Variants in CSF2RA observed in about 807,000 individuals in gnomAD.
The protein encoded by CSF2RA is granulocyte-macrophage colony-stimulating factor receptor subunit alpha.
A neutral mutation model predicts 51.6 loss-of-function variants in CSF2RA; 42 were observed. The ratio of observed to expected loss-of-function variants is 0.81; its 90% CI spans 0.64 to 1.05. CSF2RA has a LOEUF of 1.05. CSF2RA is among the 50% of genes least tolerant of loss of function. CSF2RA has a pLI of 0.00. For missense variants in CSF2RA, 530 were observed against 501.1 expected (o/e 1.06, Z -0.55); for synonymous variants, 222 against 193.0 (o/e 1.15, Z -1.24).
downstream of CSF2RA, among the ~76,000 whole-genome samples, chrX:1,314,397 A>C (rs1282763191): frequency 6.8e-6 from 1 of 147,204 alleles, no homozygotes; most frequent in Non-Finnish European, 1.5e-5. Flanking sequence ...GCCCAACCAC[A>C]CTGCACCTGC....
intron 2 of CSF2RA, among the ~76,000 whole-genome samples, chrX:1,281,112 TCTCCTC>T (rs771038360): frequency 8.0e-5 from 2 of 25,048 alleles, no homozygotes; most frequent in Non-Finnish European, 7.0e-5. Context: ...TCCTCCTCCT[TCTCCTC>T]CTCCTCCTCC....
chrX:1,306,126 G>C (rs374223749), intron 12 of CSF2RA, among the ~76,000 whole-genome samples: 1 of 151,872 alleles, frequency 6.6e-6, no homozygotes, highest in Non-Finnish European at 1.5e-5. Flanking sequence ...ATAGAGACAA[G>C]AGACAGAGGC....
downstream of CSF2RA, among the ~76,000 whole-genome samples, chrX:1,314,900 G>GCCCAACCCCA (rs2084478750): frequency 1.7e-4 from 9 of 53,622 alleles, 1 homozygote; most frequent in Admixed American, 1.5e-3. Context: ...CACTGAACCT[G>GCCCAACCCCA]CTCAACCCCA....
At chrX:1,283,135 C>G (rs562594138) in intron 3 of CSF2RA, among the ~76,000 whole-genome samples, 40 of 70,920 alleles carry the variant, frequency 5.6e-4, no homozygotes, top group South Asian at 2.7e-3. Context: ...TCCTTCCTTC[C>G]TTCCTTCCTT....
chrX:1,314,046 A>G (rs2084300899), downstream of CSF2RA, among the ~76,000 whole-genome samples: 1 of 152,032 alleles, frequency 6.6e-6, no homozygotes, highest in African/African-American at 2.4e-5. Context: ...AATAAAAAAT[A>G]AAAAACAGCC....
intron 3 of CSF2RA, among the ~76,000 whole-genome samples, chrX:1,283,918 A>G (rs1217777571): frequency 1.3e-5 from 2 of 151,968 alleles, no homozygotes; most frequent in African/African-American, 2.4e-5. Context: ...GCGTGGAATG[A>G]TAGCTCATTG....
At chrX:1,320,975 G>A in the CSF2RA span, among the ~76,000 whole-genome samples, 1 of 151,944 alleles carries the variant, frequency 6.6e-6, no homozygotes, top group Non-Finnish European at 1.5e-5. Flanking sequence ...AAGGAGCTGG[G>A]ATTACAGGCA....
chrX:1,280,488 A>AG (rs373692147), intron 2 of CSF2RA, among the ~76,000 whole-genome samples: 30,912 of 119,602 alleles, frequency 0.26, 4,273 homozygotes, highest in East Asian at 0.47. Flanking sequence ...AAAAAAAAAA[A>AG]AAGAAGAAGA....
Position 1,293,046 on chromosome X carries a change from C to T in CSF2RA, c.647-1282C>T, listed in dbSNP as rs1207523550. On this transcript the variant is annotated intron_variant, in intron 7 of 12. Transcript: ENST00000381529. ...TTTTACCAAGCATGCTGCCTGCAAA[C>T]CTATTGTTAACAAGACACAGCACAT... Among the ~76,000 whole-genome samples, 8 of 152,248 alleles carry T rather than the reference C, an allele frequency of 5.3e-5. 1 individual carries two copies. In the South Asian group the frequency reaches 8.3e-4, roughly 16 times the overall value.
chrX:1,306,632 G>A (rs184528445), intron 12 of CSF2RA, among the ~76,000 whole-genome samples: 2,558 of 151,938 alleles, frequency 0.017, 69 homozygotes, highest in African/African-American at 0.058. Flanking sequence ...GGGCAACAGA[G>A]CAAAACTCTC....
At chrX:1,293,562 G>A (rs1293079265) in intron 7 of CSF2RA, among the ~76,000 whole-genome samples, 1 of 152,204 alleles carries the variant, frequency 6.6e-6, no homozygotes, top group African/African-American at 2.4e-5. Flanking sequence ...AGACAAAGAG[G>A]TGTCCCTACT....
Position 1,285,929 on chromosome X carries a change from A to T in CSF2RA, c.219+9A>T. On this transcript the variant is annotated intron_variant, in intron 4 of 12. Transcript: ENST00000381529. Reference sequence around the variant, plus strand: ...GAGTCGTGGAACCCAGGGTGAGACGAATTTCCCATTCTCAACCCCTGTCCT... The same window carrying T: ...GAGTCGTGGAACCCAGGGTGAGACGTATTTCCCATTCTCAACCCCTGTCCT... The T allele has an allele frequency of 6.2e-7, 1 of 1,613,818 alleles. No homozygotes were observed. Among genetic ancestry groups the T allele is most frequent in the Non-Finnish European group, 8.5e-7 (1 of 1,179,822 alleles).
the CSF2RA span, among the ~76,000 whole-genome samples, chrX:1,324,680 T>C: frequency 6.6e-6 from 1 of 152,216 alleles, no homozygotes; most frequent in East Asian, 1.9e-4. Context: ...GAGGTTGCTT[T>C]TGCCCAGCAG....
chrX:1,296,138 C>G (rs1190982663), intron 9 of CSF2RA, among the ~76,000 whole-genome samples: 1 of 151,132 alleles, frequency 6.6e-6, no homozygotes, highest in African/African-American at 2.4e-5. Context: ...GTCCCCTACC[C>G]ATGACCCCTG....
At chrX:1,313,565 A>C (rs1330915060), downstream of CSF2RA, among the ~76,000 whole-genome samples, 1 of 142,806 alleles carries the variant, frequency 7.0e-6, no homozygotes, top group Non-Finnish European at 1.5e-5. Flanking sequence ...CAAAAAAAAA[A>C]GCCAGGTGTG....
At chrX:1,291,318 C>G (rs2091377398) in intron 7 of CSF2RA, among the ~76,000 whole-genome samples, 1 of 147,640 alleles carries the variant, frequency 6.8e-6, no homozygotes, top group Non-Finnish European at 1.5e-5. Context: ...TCCCTCCTTT[C>G]CTTCCTTCCT....
chrX:1,279,908 A>G (rs1316497592), intron 2 of CSF2RA, among the ~76,000 whole-genome samples: 1 of 151,294 alleles, frequency 6.6e-6, no homozygotes, highest in African/African-American at 2.4e-5. Flanking sequence ...TCCTGCCTCA[A>G]CCTCCCGAGT....
intron 2 of CSF2RA, among the ~76,000 whole-genome samples, chrX:1,280,928 T>TCTCCTCCTCCTCCTCCTC (rs1328073063): frequency 4.0e-4 from 8 of 19,792 alleles, no homozygotes; most frequent in South Asian, 2.0e-3. Flanking sequence ...TCCTCCTCCT[T>TCTCCTCCTCCTCCTCCTC]CTCCTCCTCC....
At chrX:1,317,245 G>GC in the CSF2RA span, among the ~76,000 whole-genome samples, 23 of 28,836 alleles carry the variant, frequency 8.0e-4, no homozygotes, top group East Asian at 0.013. Context: ...ACCACGCTCA[G>GC]CTTTTTTTTT....
Sources: allele counts gnomAD v4.1 joint callset (sites outside exome capture counted in the v4.1 genomes callset), GRCh38; gene constraint gnomAD v4.1.1; transcripts MANE v1.5; gene names NCBI Gene and HGNC (gene_info 2026-07-23, HGNC 2026-07-21).